CHSY3: variants seen among roughly 807,000 people sequenced by gnomAD.
The protein encoded by CHSY3 is chondroitin sulfate synthase 3, also known as N-acetylgalactosaminyl-proteoglycan 3-beta-glucuronosyltransferase 3.
In CHSY3, 35 loss-of-function variants were observed where a neutral mutation model predicts 67.2. The observed-to-expected ratio is 0.52, with a 90% CI of 0.40 to 0.69. The LOEUF (loss-of-function observed/expected upper bound fraction) is 0.69. Ranked by LOEUF, CHSY3 falls within the 30% of genes least tolerant of loss-of-function variation. CHSY3 has a pLI of 0.00. For synonymous variants in CHSY3, 474 were observed against 434.7 expected, an observed-to-expected ratio of 1.09 and a Z score of -1.12; for missense variants, 1,069 against 1,138.5, an observed-to-expected ratio of 0.94 and a Z score of 0.88.
chr5:129,952,984 C>CT (rs996528708), intron 2 of CHSY3, among the ~76,000 whole-genome samples: 11 of 152,176 alleles, frequency 7.2e-5, no homozygotes, highest in African/African-American at 2.4e-4. Context: ...CCTATATCTT[C>CT]TTTTTTTAAA....
At chr5:129,982,767 T>G (rs1763058226) in intron 2 of CHSY3, among the ~76,000 whole-genome samples, 1 of 151,996 alleles carries the variant, frequency 6.6e-6, no homozygotes, top group African/African-American at 2.4e-5. Flanking sequence ...GAGATAAAAT[T>G]GAGTAGAAGT....
intron 2 of CHSY3, among the ~76,000 whole-genome samples, chr5:129,912,509 T>G (rs1419685021): frequency 6.6e-6 from 1 of 152,180 alleles, no homozygotes; most frequent in East Asian, 1.9e-4. Flanking sequence ...TCTGGGGAAA[T>G]ATGTCTTGCT....
intron 2 of CHSY3, among the ~76,000 whole-genome samples, chr5:130,120,116 A>ATTTT (rs1247423572): frequency 6.6e-6 from 1 of 152,158 alleles, no homozygotes; most frequent in Non-Finnish European, 1.5e-5. Flanking sequence ...AAATTTTAAA[A>ATTTT]ATCTACTAAA....
At chr5:129,965,505 C>A (rs1278572362) in intron 2 of CHSY3, among the ~76,000 whole-genome samples, 1 of 151,866 alleles carries the variant, frequency 6.6e-6, no homozygotes, top group African/African-American at 2.4e-5. Flanking sequence ...TTCTAGTTAT[C>A]ATATGCTATT....
Position 130,184,648 on chromosome 5 carries a change from G to A in CHSY3, c.1506G>A (p.Val502=). The A allele has an allele frequency of 6.2e-7, 1 of 1,604,112 alleles. No homozygotes were observed. The highest frequency in any genetic ancestry group is 8.5e-7 in the Non-Finnish European group (1 of 1,170,860). Residue 502 remains valine, a synonymous_variant, in exon 3 of 3, where the codon GTG becomes GTA. Transcript: ENST00000305031. ...CACTGGATGATACCGTCCTACAGGTGATGGAGATGATCAATGAGAATGCCA... is the reference window on the plus strand; with the variant it reads ...CACTGGATGATACCGTCCTACAGGTAATGGAGATGATCAATGAGAATGCCA... ...RTALDDTVLQ[V]MEMINENAKS...
intron 2 of CHSY3, among the ~76,000 whole-genome samples, chr5:130,076,701 T>G (rs1766266311): frequency 6.6e-6 from 1 of 152,114 alleles, no homozygotes; most frequent in South Asian, 2.1e-4. Context: ...AGGACATCAT[T>G]TTAATAATGC....
chr5:129,956,071 A>G (rs1762163377), intron 2 of CHSY3, among the ~76,000 whole-genome samples: 1 of 152,162 alleles, frequency 6.6e-6, no homozygotes, highest in South Asian at 2.1e-4. Flanking sequence ...GCTGGGTTGA[A>G]GGTTCTCTAA....
intron 2 of CHSY3, among the ~76,000 whole-genome samples, chr5:130,061,856 A>G (rs1765723632): frequency 6.6e-6 from 1 of 152,018 alleles, no homozygotes; most frequent in Non-Finnish European, 1.5e-5. Context: ...ATGAAATAGC[A>G]TCTTACATGA....
intron 2 of CHSY3, among the ~76,000 whole-genome samples, chr5:129,915,486 G>A (rs929156257): frequency 1.1e-4 from 16 of 152,124 alleles, no homozygotes; most frequent in Non-Finnish European, 1.6e-4. Flanking sequence ...TAAAAAATAA[G>A]CAGGCACAAT....
intron 2 of CHSY3, among the ~76,000 whole-genome samples, chr5:130,131,943 T>C (rs532292319): frequency 1.9e-4 from 29 of 152,018 alleles, no homozygotes; most frequent in African/African-American, 6.7e-4. Flanking sequence ...CTCCTTATCT[T>C]TAAGGTCTTA....
chr5:130,127,070 G>A (rs1177971771), intron 2 of CHSY3, among the ~76,000 whole-genome samples: 2 of 152,150 alleles, frequency 1.3e-5, no homozygotes, highest in African/African-American at 4.8e-5. Context: ...TGATACATAT[G>A]TGGACACCAT....
chr5:130,001,545 T>C (rs1447133012), intron 2 of CHSY3: 1 of 905,746 alleles, frequency 1.1e-6, no homozygotes, highest in African/African-American at 1.8e-5. Context: ...CAGGACCCCA[T>C]GGAGAGTCCC....
At chr5:130,163,894 G>T (rs546194336) in intron 2 of CHSY3, among the ~76,000 whole-genome samples, 59 of 152,206 alleles carry the variant, frequency 3.9e-4, no homozygotes, top group Middle Eastern at 3.2e-3. Flanking sequence ...GACAGAGGAT[G>T]CATCTATATG....
chr5:129,966,134 A>G (rs1040146268), intron 2 of CHSY3, among the ~76,000 whole-genome samples: 24 of 152,048 alleles, frequency 1.6e-4, no homozygotes, highest in Admixed American at 1.4e-3. Flanking sequence ...GAAATACCAA[A>G]TGATTTGAGA....
intron 2 of CHSY3, among the ~76,000 whole-genome samples, chr5:130,139,554 G>A (rs1398541599): frequency 6.6e-6 from 1 of 152,180 alleles, no homozygotes; most frequent in African/African-American, 2.4e-5. Flanking sequence ...TTTATTTTAA[G>A]TTAAAGTTCT....
intron 2 of CHSY3, among the ~76,000 whole-genome samples, chr5:129,971,053 T>C (rs1762627989): frequency 6.6e-6 from 1 of 151,870 alleles, no homozygotes; most frequent in Non-Finnish European, 1.5e-5. Context: ...TTTAAAAATA[T>C]GTGAAACTAT....
At chr5:129,951,122 C>CA (rs1762013028) in intron 2 of CHSY3, among the ~76,000 whole-genome samples, 1 of 151,994 alleles carries the variant, frequency 6.6e-6, no homozygotes, top group African/African-American at 2.4e-5. Flanking sequence ...GACAAAGACA[C>CA]AAAAAATACA....
chr5:130,185,122 T>C lies in CHSY3; in HGVS notation c.1980T>C (p.Ser660=). The C allele has an allele frequency of 1.9e-6, 3 of 1,594,960 alleles. No homozygotes were observed. Among genetic ancestry groups the C allele is most frequent in the Non-Finnish European group, 1.7e-6 (2 of 1,162,548 alleles). ...TAAAGTTGGTCATTATCCTTTTCAG[T>C]AGGGATTCTGGCCAAGACTCCAGCA... ...QNVKLVIILF[S]RDSGQDSSKH... Residue 660 remains serine (S), a synonymous_variant, in exon 3 of 3, where the codon AGT becomes AGC. Coordinates refer to ENST00000305031, the MANE Select transcript of CHSY3 (RefSeq NM_175856.5).
rs375577622 is a variant in CHSY3 at position 129,908,184 on chromosome 5, C to A, written c.910C>A (p.Pro304Thr). The change falls in exon 2 of 3, where the codon CCT (proline) becomes ACT (threonine). Residue 304 changes from proline (P) to threonine (T), a missense_variant. Transcript: ENST00000305031. Reference protein sequence around the residue: ...IEELGKLGLEPGENFCMGGPG... With the variant: ...IEELGKLGLETGENFCMGGPG... ...AGAGCTTGGAAAGCTGGGACTGGAGCCTGGGGAAAACTTCTGTATGGGAGG... is the reference window on the plus strand; with the variant it reads ...AGAGCTTGGAAAGCTGGGACTGGAGACTGGGGAAAACTTCTGTATGGGAGG... 8 of 1,614,010 alleles carry A rather than the reference C, an allele frequency of 5.0e-6. No individual in the cohort carries two copies. In the African/African-American group the frequency reaches 9.3e-5, roughly 19 times the overall value.
Sources: allele counts gnomAD v4.1 joint callset (sites outside exome capture counted in the v4.1 genomes callset), GRCh38; gene constraint gnomAD v4.1.1; transcripts MANE v1.5; gene names NCBI Gene and HGNC (gene_info 2026-07-23, HGNC 2026-07-21).